The following LPP variants were observed in gnomAD, a reference collection of about 807,000 sequenced individuals.
LPP encodes the protein LIM domain containing preferred translocation partner in lipoma, also known as lipoma-preferred partner.
In LPP, 38 loss-of-function variants were observed where a neutral mutation model predicts 60.4. The observed-to-expected ratio is 0.63, with a 90% CI of 0.49 to 0.83. The LOEUF is 0.83. LPP is among the 40% of genes least tolerant of loss of function. The pLI is 0.00. For missense variants in LPP, 902 were observed against 783.6 expected (o/e 1.15, Z -1.80); for synonymous variants, 328 against 290.8 (o/e 1.13, Z -1.30).
At chr3:188,247,696 G>A (rs994158862) in intron 2 of LPP, among the ~76,000 whole-genome samples, 2 of 151,928 alleles carry the variant, frequency 1.3e-5, no homozygotes, top group African/African-American at 4.8e-5. Context: ...CTACTTGGGA[G>A]GCTGAAGCAG....
intron 1 of LPP, among the ~76,000 whole-genome samples, chr3:188,190,462 C>T (rs1164063616): frequency 6.6e-6 from 1 of 152,136 alleles, no homozygotes; most frequent in Middle Eastern, 3.2e-3. Context: ...AATGTGGGGT[C>T]TGACTCCATG....
intron 7 of LPP, among the ~76,000 whole-genome samples, chr3:188,707,622 C>T (rs75028213): frequency 0.032 from 4,926 of 152,308 alleles, 136 homozygotes; most frequent in South Asian, 0.1. Context: ...CCAAAATGTT[C>T]GCTTTCTGGA....
rs1246840381 is a variant in LPP, at chr3:188,160,108, T to G, written c.-190+5856T>G. On this transcript the variant is annotated intron_variant, in intron 1 of 11. Coordinates refer to ENST00000617246, the MANE Select transcript of LPP (RefSeq NM_001375462.1). Reference sequence around the variant, plus strand: ...TTGTATTTTTAATAGAGACGGAGTTTCACCATGTTGGCCAGGCGGTCTTGA... The same window carrying G: ...TTGTATTTTTAATAGAGACGGAGTTGCACCATGTTGGCCAGGCGGTCTTGA... Among the ~76,000 whole-genome samples the G allele has an allele frequency of 3.3e-5, 5 of 151,462 alleles. No individual in the cohort carries two copies. In the East Asian group the frequency reaches 9.7e-4, roughly 29 times the overall value.
chr3:188,462,544 T>TATATATATATATA (rs1799236891), intron 4 of LPP, among the ~76,000 whole-genome samples: 3 of 34,188 alleles, frequency 8.8e-5, no homozygotes, highest in Non-Finnish European at 1.3e-4. Context: ...TATATGAGCT[T>TATATATATATATA]TATATATATA....
At chr3:188,378,191 T>A (rs1256131647) in intron 3 of LPP, among the ~76,000 whole-genome samples, 1 of 152,170 alleles carries the variant, frequency 6.6e-6, no homozygotes, top group East Asian at 1.9e-4. Flanking sequence ...CATTCTCAGA[T>A]CTCAAGCTGC....
chr3:188,312,273 T>G (rs1753706823), intron 2 of LPP, among the ~76,000 whole-genome samples: 1 of 152,284 alleles, frequency 6.6e-6, no homozygotes, highest in South Asian at 2.1e-4. Context: ...CTAAACACCA[T>G]TTGAAATGAG....
chr3:188,617,067 A>G (rs1844982623), intron 7 of LPP, among the ~76,000 whole-genome samples: 1 of 152,208 alleles, frequency 6.6e-6, no homozygotes, highest in Non-Finnish European at 1.5e-5. Context: ...CCTATTCATC[A>G]ACATTTTATG....
chr3:188,867,261 A>G (rs902476646), intron 10 of LPP, among the ~76,000 whole-genome samples: 3 of 148,118 alleles, frequency 2.0e-5, no homozygotes, highest in East Asian at 1.9e-4. Context: ...TTTTATATAT[A>G]TGTTTATATA....
intron 5 of LPP, among the ~76,000 whole-genome samples, chr3:188,485,511 G>A (rs910141642): frequency 6.6e-6 from 1 of 152,162 alleles, no homozygotes; most frequent in Non-Finnish European, 1.5e-5. Flanking sequence ...AGATAAAATG[G>A]AATGGGCCGG....
intron 4 of LPP, among the ~76,000 whole-genome samples, chr3:188,412,220 C>CCT (rs1397750700): frequency 2.6e-5 from 4 of 151,420 alleles, no homozygotes; most frequent in Non-Finnish European, 5.9e-5. Context: ...TTTCTTTCTC[C>CCT]CTCTCTCTCT....
Position 188,874,062 on chromosome 3 carries a change from G to A in LPP, c.1711-289G>A, listed in dbSNP as rs543382221. 3.3e-5 allele frequency among the ~76,000 whole-genome samples: 5 copies of A among 151,312 alleles called. No individual in the cohort carries two copies. In the South Asian group the frequency reaches 1.0e-3, roughly 31 times the overall value. ...CAAACTTCTACATGGGAGCCAAGAT[G>A]GGTGGCCTCTTCTCTTCTTATACCT... On this transcript the variant is annotated intron_variant, in intron 11 of 11. Transcript: ENST00000617246.
intron 1 of LPP, among the ~76,000 whole-genome samples, chr3:188,220,451 A>C (rs1389870498): frequency 1.3e-5 from 2 of 152,162 alleles, no homozygotes; most frequent in Non-Finnish European, 2.9e-5. Flanking sequence ...TACTGCTACA[A>C]AGTTTCCTTT....
chr3:188,421,548 C>G (rs1787802458), intron 4 of LPP, among the ~76,000 whole-genome samples: 2 of 152,246 alleles, frequency 1.3e-5, no homozygotes, highest in Admixed American at 6.5e-5. Flanking sequence ...TGGCCAAAGT[C>G]TCTTCAGAAA....
At chr3:188,739,467 G>T (rs9845169) in intron 8 of LPP, among the ~76,000 whole-genome samples, 30,056 of 152,020 alleles carry the variant, frequency 0.2, 3,713 homozygotes, top group Middle Eastern at 0.42. Context: ...GGGGCAGGTA[G>T]AAAACAAGTC....
At chr3:188,334,422 C>CTTTTTT (rs71167095) in intron 2 of LPP, among the ~76,000 whole-genome samples, 88 of 98,638 alleles carry the variant, frequency 8.9e-4, no homozygotes, top group East Asian at 1.7e-3. Flanking sequence ...ATATTTCTTT[C>CTTTTTT]TTTTTTTTTT....
chr3:188,317,234 G>GT (rs201476275), intron 2 of LPP, among the ~76,000 whole-genome samples: 9,199 of 146,202 alleles, frequency 0.063, 579 homozygotes, highest in East Asian at 0.28. Flanking sequence ...TTTTTTTTAA[G>GT]TTTTTTTTTT....
chr3:188,642,463 A>T (rs953172253), intron 7 of LPP, among the ~76,000 whole-genome samples: 1 of 152,230 alleles, frequency 6.6e-6, no homozygotes, highest in Non-Finnish European at 1.5e-5. Context: ...AATGGAATAA[A>T]TGTCCTCATA....
chr3:188,577,780 C>CCTTCCTTCCTTCCT, intron 6 of LPP, among the ~76,000 whole-genome samples: 1 of 143,742 alleles, frequency 7.0e-6, no homozygotes. Flanking sequence ...TTCCTTCCTT[C>CCTTCCTTCCTTCCT]TGTCCTTCCC....
At chr3:188,763,907 A>T (rs968072804) in intron 9 of LPP, among the ~76,000 whole-genome samples, 1 of 152,136 alleles carries the variant, frequency 6.6e-6, no homozygotes, top group Non-Finnish European at 1.5e-5. Context: ...ACCTTGCTAG[A>T]TTTCTTTAGA....
Sources: gnomAD v4.1 joint callset for allele counts (sites outside exome capture counted in the v4.1 genomes callset) on GRCh38, gnomAD v4.1.1 for gene constraint, MANE v1.5 for transcripts, NCBI Gene and HGNC (gene_info 2026-07-23, HGNC 2026-07-21) for gene names.